PTK2B: variants seen among roughly 807,000 people sequenced by gnomAD.
The protein encoded by PTK2B is protein tyrosine kinase 2 beta.
Under a neutral mutation model 142.9 loss-of-function variants are expected in PTK2B, and 71 were observed. The ratio of observed to expected loss-of-function variants is 0.50; its 90% CI spans 0.41 to 0.61. The LOEUF is 0.61. Ranked by LOEUF, PTK2B falls within the 20% of genes least tolerant of loss-of-function variation. The pLI is 0.00. For synonymous variants in PTK2B, 519 were observed against 503.4 expected (o/e 1.03, Z -0.42); for missense variants, 1,105 against 1,320.4 (o/e 0.84, Z 2.53).
Position 27,442,919 on chromosome 8 carries a change from G to A in PTK2B, c.2084G>A (p.Arg695Lys). The A allele has an allele frequency of 6.2e-7, 1 of 1,614,202 alleles. No homozygotes were observed. Among genetic ancestry groups the A allele is most frequent in the Admixed American group, 1.7e-5 (1 of 60,032 alleles). ...AAGGACATTGCCATGGAGCAAGAGA[G>A]GAATGCTCGCTACCGAACCCCCAAA... ...MEKDIAMEQE[R>K]NARYRTPKIL... The change falls in exon 22 of 31, where the codon AGG becomes AAG. Residue 695 changes from arginine to lysine, a missense_variant. Arg to Lys is a conservative substitution (Grantham distance 26). Transcript: ENST00000346049.
chr8:27,314,750 G>A (rs768813234), intron 3 of PTK2B, among the ~76,000 whole-genome samples: 1 of 152,154 alleles, frequency 6.6e-6, no homozygotes, highest in Non-Finnish European at 1.5e-5. Flanking sequence ...TGCCTTCCCT[G>A]CTTAGTTTGT....
chr8:27,456,309 G>T (rs1586371752), intron 30 of PTK2B, among the ~76,000 whole-genome samples: 3 of 152,130 alleles, frequency 2.0e-5, no homozygotes, highest in Admixed American at 2.0e-4. Flanking sequence ...TGCTCACTTT[G>T]TGTCTCTGTC....
chr8:27,368,814 G>C (rs762647430), intron 1 of PTK2B, among the ~76,000 whole-genome samples: 8 of 152,198 alleles, frequency 5.3e-5, no homozygotes, highest in Non-Finnish European at 1.2e-4. Context: ...TGACGGCAGG[G>C]CCACACTCTG....
At chr8:27,438,490 C>T (rs140056074) in intron 18 of PTK2B, among the ~76,000 whole-genome samples, 502 of 6,188 alleles carry the variant, frequency 0.081, 14 homozygotes, top group African/African-American at 0.43. Flanking sequence ...AGCTCTCATG[C>T]GATCCTGGTA....
intron 1 of PTK2B, among the ~76,000 whole-genome samples, chr8:27,340,454 G>C (rs1804329778): frequency 6.6e-6 from 1 of 152,238 alleles, no homozygotes; most frequent in African/African-American, 2.4e-5. Context: ...ACATCTCAGG[G>C]TGTCTGGATC....
intron 2 of PTK2B, among the ~76,000 whole-genome samples, chr8:27,407,709 C>T (rs1179363161): frequency 1.3e-5 from 2 of 152,208 alleles, no homozygotes; most frequent in Non-Finnish European, 2.9e-5. Flanking sequence ...GGACCCCGAA[C>T]TCCATTTCCA....
intron 1 of PTK2B, among the ~76,000 whole-genome samples, chr8:27,344,250 A>G (rs1039906950): frequency 1.3e-5 from 2 of 152,168 alleles, no homozygotes; most frequent in Non-Finnish European, 2.9e-5. Flanking sequence ...AATTTGGAGC[A>G]ATATGTCTCC....
At chr8:27,314,181 C>G (rs1050967964) in intron 3 of PTK2B, among the ~76,000 whole-genome samples, 6 of 152,244 alleles carry the variant, frequency 3.9e-5, no homozygotes, top group African/African-American at 1.4e-4. Flanking sequence ...TATTTCTACA[C>G]AGCTACTCAT....
chr8:27,437,947 G>A, intron 18 of PTK2B, 67 bp downstream of exon 18: 1 of 1,349,544 alleles, frequency 7.4e-7, no homozygotes, highest in South Asian at 1.3e-5. Context: ...AGGCCTCTGG[G>A]TAGAAGCAGG....
upstream of PTK2B, among the ~76,000 whole-genome samples, chr8:27,325,010 GTCT>G (rs1803328856): frequency 6.6e-6 from 1 of 152,216 alleles, no homozygotes; most frequent in Non-Finnish European, 1.5e-5. Flanking sequence ...CAGGGACCTG[GTCT>G]TCTGTGTTCA....
At chr8:27,379,075 A>G (rs1019213502) in intron 1 of PTK2B, among the ~76,000 whole-genome samples, 3 of 152,146 alleles carry the variant, frequency 2.0e-5, no homozygotes, top group Admixed American at 6.5e-5. Flanking sequence ...ACGTGGCTGC[A>G]TGGGGAATGT....
At chr8:27,327,771 T>G (rs575901392) in intron 1 of PTK2B, among the ~76,000 whole-genome samples, 1 of 152,362 alleles carries the variant, frequency 6.6e-6, no homozygotes, top group Admixed American at 6.5e-5. Flanking sequence ...CAAATCCATG[T>G]AGACCGGTGA....
At chr8:27,408,531 C>G (rs1270917440) in intron 2 of PTK2B, among the ~76,000 whole-genome samples, 1 of 152,224 alleles carries the variant, frequency 6.6e-6, no homozygotes, top group African/African-American at 2.4e-5. Flanking sequence ...GGTCTTCATT[C>G]TGAAGGTACC....
At chr8:27,320,407 C>T (rs918557942) in intron 3 of PTK2B, among the ~76,000 whole-genome samples, 3 of 152,132 alleles carry the variant, frequency 2.0e-5, no homozygotes, top group African/African-American at 7.2e-5. Flanking sequence ...CTCAGTCCCA[C>T]AGGACTGCCC....
intron 9 of PTK2B, chr8:27,431,994 A>T (rs1209925112): frequency 1.5e-5 from 5 of 337,156 alleles, no homozygotes; most frequent in East Asian, 4.5e-5. Flanking sequence ...TTTTTGTGCG[A>T]TTTTTTTTTT....
intron 18 of PTK2B, among the ~76,000 whole-genome samples, chr8:27,438,599 C>T (rs549923553): frequency 3.3e-5 from 5 of 152,152 alleles, no homozygotes; most frequent in Non-Finnish European, 7.4e-5. Flanking sequence ...GAGAGAATAC[C>T]TGTGTTCAGG....
rs1396854733 is a variant in PTK2B at position 27,430,872 on chromosome 8, C to T, written c.670-4C>T. On this transcript the variant is annotated splice_region_variant and splice_polypyrimidine_tract_variant and intron_variant, in intron 7 of 30. Coordinates refer to ENST00000346049, the MANE Select transcript of PTK2B (RefSeq NM_173176.3). ...TTGCTCACACGGCCCATCCCCTCCC[C>T]CAGCCCAAACAGTTCCGGAAGATGA... is the stretch of plus-strand genomic sequence containing the variant. 1.2e-6 allele frequency: 2 copies of T among 1,613,348 alleles called. No homozygotes were observed. The highest frequency in any genetic ancestry group is 1.3e-5 in the African/African-American group (1 of 74,914).
At chr8:27,365,087 A>G (rs1805939700) in intron 1 of PTK2B, among the ~76,000 whole-genome samples, 1 of 152,166 alleles carries the variant, frequency 6.6e-6, no homozygotes, top group South Asian at 2.1e-4. Flanking sequence ...TTGCAAACCT[A>G]TCCAGCCTGG....
chr8:27,434,676 C>T lies in PTK2B; in HGVS notation c.1192+117C>T, dbSNP rs1317638559. On this transcript the variant is annotated intron_variant, in intron 13 of 30. Coordinates refer to ENST00000346049, the MANE Select transcript of PTK2B (RefSeq NM_173176.3). Reference sequence around the variant, plus strand: ...CTCCAAGTGACAGAAAAATGATCCTCTCCCATAACTTCTCAGTGATGGCTT... The same window carrying T: ...CTCCAAGTGACAGAAAAATGATCCTTTCCCATAACTTCTCAGTGATGGCTT... 5.1e-6 allele frequency: 6 copies of T among 1,167,592 alleles called. No individual in the cohort carries two copies. In the African/African-American group the frequency reaches 9.3e-5, roughly 18 times the overall value. 72.3% of individuals were successfully genotyped at this position (1,167,592 alleles called of 1,614,324 possible).
Sources: gnomAD v4.1 joint callset for allele counts (sites outside exome capture counted in the v4.1 genomes callset) on GRCh38, gnomAD v4.1.1 for gene constraint, MANE v1.5 for transcripts, NCBI Gene and HGNC (gene_info 2026-07-23, HGNC 2026-07-21) for gene names.